NOS1AP: variants seen among roughly 807,000 people sequenced by gnomAD.
The protein encoded by NOS1AP is carboxyl-terminal PDZ ligand of neuronal nitric oxide synthase protein.
Under a neutral mutation model 56.2 loss-of-function variants are expected in NOS1AP, and 21 were observed. The ratio of observed to expected loss-of-function variants is 0.37; its 90% confidence interval spans 0.26 to 0.54. The LOEUF (loss-of-function observed/expected upper bound fraction) is 0.54, where lower values mean the gene tolerates loss of function less well. Among genes scored for constraint, NOS1AP ranks in the 20% least tolerant of loss-of-function variants. The pLI, the probability that NOS1AP is intolerant of heterozygous loss-of-function variation, is 0.84. For synonymous variants in NOS1AP, 270 were observed against 274.6 expected (o/e 0.98, Z 0.17); for missense variants, 522 against 657.8 (o/e 0.79, Z 2.26).
intron 1 of NOS1AP, among the ~76,000 whole-genome samples, chr1:162,105,468 C>T (rs916327918): frequency 3.9e-5 from 6 of 152,216 alleles, no homozygotes; most frequent in African/African-American, 1.4e-4. Context: ...ATTCCTCATT[C>T]AGATCATTTG....
intron 1 of NOS1AP, among the ~76,000 whole-genome samples, chr1:162,121,325 G>A (rs1024849773): frequency 6.6e-6 from 1 of 151,818 alleles, no homozygotes; most frequent in African/African-American, 2.4e-5. Flanking sequence ...ACGGGGTTTG[G>A]CCAGGCTGGT....
At chr1:162,226,467 A>C (rs1187027439) in intron 2 of NOS1AP, among the ~76,000 whole-genome samples, 1 of 152,198 alleles carries the variant, frequency 6.6e-6, no homozygotes, top group Non-Finnish European at 1.5e-5. Context: ...TAGTATTAAC[A>C]TCTAAATACT....
intron 6 of NOS1AP, among the ~76,000 whole-genome samples, chr1:162,353,369 G>A (rs545833690): frequency 1.5e-3 from 231 of 152,044 alleles, no homozygotes; most frequent in African/African-American, 4.9e-3. Context: ...CCCTGCCCCC[G>A]CGCCCGGCCA....
intron 4 of NOS1AP, among the ~76,000 whole-genome samples, chr1:162,306,746 G>A (rs1655842746): frequency 1.3e-5 from 2 of 152,140 alleles, no homozygotes; most frequent in African/African-American, 4.8e-5. Flanking sequence ...AGACCATCCT[G>A]GTCAAAGTGG....
chr1:162,287,272 G>A lies in NOS1AP; in HGVS notation c.178-72G>A, dbSNP rs1655119021. On this transcript the variant is annotated intron_variant, in intron 2 of 9. Coordinates refer to ENST00000361897, the MANE Select transcript of NOS1AP (RefSeq NM_014697.3). ...CTGGGGACCTTTTTTCCAGGCATGG[G>A]CTAGCTGGGTCTGTATAGATGCACT... The A allele has an allele frequency of 3.6e-6, 4 of 1,112,918 alleles. No individual in the cohort carries two copies. In the Admixed American group the frequency reaches 5.1e-5, roughly 14 times the overall value. The allele number at this position is 1,112,918 out of a possible 1,614,324, so 68.9% of individuals were successfully genotyped here. A position where few individuals can be genotyped will look rare whatever the true frequency, so the allele number is the denominator to read the frequency against.
intron 2 of NOS1AP, among the ~76,000 whole-genome samples, chr1:162,257,517 C>T (rs1056526632): frequency 1.1e-4 from 17 of 151,852 alleles, no homozygotes; most frequent in African/African-American, 3.4e-4. Flanking sequence ...GGTGTGGTGG[C>T]GGGCACCTGT....
At position 162,367,678 on chromosome 1, in the gene NOS1AP, CT is replaced by C; in HGVS notation, c.*212del. 1 of 607,256 alleles carries C rather than the reference CT, an allele frequency of 1.6e-6. No individual in the cohort carries two copies. The highest frequency in any genetic ancestry group is 2.9e-6 in the Non-Finnish European group (1 of 350,014). The allele number at this position is 607,256 out of a possible 1,614,324, so 37.6% of individuals were successfully genotyped here. ...GATTCCCAGAGGTGAATCAGCTCCT[CT>C]CCTACTTGTGACTAGAGGGTGGTGG... is the stretch of plus-strand genomic sequence containing the variant. On this transcript the variant is annotated 3_prime_UTR_variant, in exon 10 of 10. Coordinates refer to ENST00000361897, the MANE Select transcript of NOS1AP (RefSeq NM_014697.3). The surrounding 1 kb of genome is among the most constrained non-coding windows in gnomAD (Gnocchi z 6.5).
intron 2 of NOS1AP, among the ~76,000 whole-genome samples, chr1:162,175,746 T>C (rs1390772371): frequency 6.6e-6 from 1 of 152,232 alleles, no homozygotes. Flanking sequence ...TATTTCTATA[T>C]GTAGCCATCT....
At chr1:162,294,173 T>C in intron 3 of NOS1AP, among the ~76,000 whole-genome samples, 1 of 84,772 alleles carries the variant, frequency 1.2e-5, no homozygotes, top group East Asian at 4.2e-4. Flanking sequence ...GGAAGGCAGG[T>C]AGGAAGGAAG....
At chr1:162,257,580 C>T (rs867134541) in intron 2 of NOS1AP, among the ~76,000 whole-genome samples, 3 of 151,080 alleles carry the variant, frequency 2.0e-5, no homozygotes, top group African/African-American at 4.9e-5. Flanking sequence ...ATCCAGGAGG[C>T]AGAGGTTGCA....
At chr1:162,256,568 C>T (rs144377871) in intron 2 of NOS1AP, among the ~76,000 whole-genome samples, 38 of 152,314 alleles carry the variant, frequency 2.5e-4, no homozygotes, top group African/African-American at 9.1e-4. Flanking sequence ...TTTGCTTCAC[C>T]TTTCTCAACT....
At chr1:162,217,389 G>A (rs1652617033) in intron 2 of NOS1AP, among the ~76,000 whole-genome samples, 1 of 151,178 alleles carries the variant, frequency 6.6e-6, no homozygotes, top group Non-Finnish European at 1.5e-5. Context: ...TCAGCCTCCT[G>A]AGTAGCTGGG....
At chr1:162,142,910 CTTTATA>C (rs1351475383) in intron 1 of NOS1AP, among the ~76,000 whole-genome samples, 1 of 152,102 alleles carries the variant, frequency 6.6e-6, no homozygotes, top group Non-Finnish European at 1.5e-5. Context: ...ATATAGAAAA[CTTTATA>C]TTTAAGTGGG....
intron 5 of NOS1AP, among the ~76,000 whole-genome samples, chr1:162,343,414 C>T (rs1364382265): frequency 2.0e-5 from 3 of 152,140 alleles, no homozygotes; most frequent in African/African-American, 7.2e-5. Flanking sequence ...TACCACTGCC[C>T]TTGGTCTGCA....
chr1:162,270,965 G>C (rs192670030), intron 2 of NOS1AP, among the ~76,000 whole-genome samples: 192 of 152,246 alleles, frequency 1.3e-3, no homozygotes, highest in African/African-American at 4.4e-3. Context: ...GTATGTAACT[G>C]TATGTACGTT....
intron 4 of NOS1AP, among the ~76,000 whole-genome samples, chr1:162,331,613 C>T (rs1656773919): frequency 6.6e-6 from 1 of 151,956 alleles, no homozygotes; most frequent in Non-Finnish European, 1.5e-5. Context: ...TCTCTTTCTT[C>T]TATACAGCAC....
At chr1:162,157,797 G>A (rs762600110) in intron 2 of NOS1AP, among the ~76,000 whole-genome samples, 1 of 152,162 alleles carries the variant, frequency 6.6e-6, no homozygotes, top group Non-Finnish European at 1.5e-5. Flanking sequence ...TTTGAGCTGG[G>A]GCTCTAGCTG....
intron 1 of NOS1AP, among the ~76,000 whole-genome samples, chr1:162,129,883 A>G (rs1490156544): frequency 1.3e-5 from 2 of 152,198 alleles, no homozygotes; most frequent in Non-Finnish European, 2.9e-5. Flanking sequence ...ATTTATGCAT[A>G]TTAACTTTTC....
At chr1:162,120,108 A>ATGTATG (rs1315743461) in intron 1 of NOS1AP, among the ~76,000 whole-genome samples, 1 of 151,088 alleles carries the variant, frequency 6.6e-6, no homozygotes, top group Non-Finnish European at 1.5e-5. Flanking sequence ...ATATATACAC[A>ATGTATG]TGTATATGTA....
Sources: gnomAD v4.1 joint callset for allele counts (sites outside exome capture counted in the v4.1 genomes callset) on GRCh38, gnomAD v4.1.1 for gene constraint, Gnocchi (gnomAD v3.1) non-coding constraint, MANE v1.5 for transcripts, NCBI Gene and HGNC (gene_info 2026-07-23, HGNC 2026-07-21) for gene names.